HS6ST2: variants seen among roughly 807,000 people sequenced by gnomAD.
HS6ST2 encodes heparan sulfate 6-O-sulfotransferase 2.
Under a neutral mutation model 33.0 loss-of-function variants are expected in HS6ST2, and 17 were observed. That is an observed-to-expected ratio of 0.52 (90% CI 0.35 to 0.77). HS6ST2 has a LOEUF of 0.77. HS6ST2 is among the 30% of genes least tolerant of loss of function. The pLI is 0.01. For missense variants in HS6ST2, 519 were observed against 551.7 expected (o/e 0.94, Z 0.59); for synonymous variants, 248 against 237.1 (o/e 1.05, Z -0.42).
chrX:132,764,764 G>A (rs1458245721), intron 2 of HS6ST2, among the ~76,000 whole-genome samples: 1 of 111,957 alleles, frequency 8.9e-6, no homozygotes, highest in East Asian at 2.8e-4. Context: ...AGAAACAAAG[G>A]TGTGATTTCA....
chrX:132,787,172 TATATATATATATATAC>T (rs1314985722), intron 2 of HS6ST2, among the ~76,000 whole-genome samples: 17 of 81,422 alleles, frequency 2.1e-4, no homozygotes, highest in East Asian at 3.7e-4. Flanking sequence ...TATATGTATA[TATATATATATATATAC>T]ATATATATAT....
intron 2 of HS6ST2, among the ~76,000 whole-genome samples, chrX:132,897,727 C>T (rs2066388820): frequency 9.0e-6 from 1 of 111,532 alleles, no homozygotes; most frequent in Non-Finnish European, 1.9e-5. Flanking sequence ...CTGCCCTATG[C>T]TGATGTTCAC....
chrX:132,769,940 C>T (rs1352158135), intron 2 of HS6ST2, among the ~76,000 whole-genome samples: 3 of 112,027 alleles, frequency 2.7e-5, no homozygotes, highest in Non-Finnish European at 5.6e-5. Context: ...TGGTACAACT[C>T]GCTTGTGATA....
chrX:132,916,126 G>C (rs1195441273), intron 2 of HS6ST2, among the ~76,000 whole-genome samples: 1 of 111,747 alleles, frequency 8.9e-6, no homozygotes, highest in Non-Finnish European at 1.9e-5. Flanking sequence ...CAATATGGCT[G>C]TAGACAAAAG....
intron 2 of HS6ST2, among the ~76,000 whole-genome samples, chrX:132,790,250 C>T (rs1176931653): frequency 8.9e-6 from 1 of 112,018 alleles, no homozygotes; most frequent in Admixed American, 9.5e-5. Flanking sequence ...CCATGCACAT[C>T]GAGGCAAGAC....
chrX:132,843,169 G>A (rs2065722487), intron 2 of HS6ST2, among the ~76,000 whole-genome samples: 1 of 111,984 alleles, frequency 8.9e-6, no homozygotes, highest in Non-Finnish European at 1.9e-5. Flanking sequence ...TCCGTTAAAA[G>A]TTCTCAATGC....
rs2063491510 is a variant in HS6ST2 at position 132,628,139 on chromosome X, G to A, written c.*84C>T. The A allele has an allele frequency of 1.4e-6, 1 of 696,630 alleles. No homozygotes were observed. Among genetic ancestry groups the A allele is most frequent in the African/African-American group, 2.2e-5 (1 of 45,958 alleles). 57.4% of individuals were successfully genotyped at this position (696,630 alleles called of 1,213,427 possible). ...ACTTCCCCAATGAAGGAAGCAGGAT[G>A]TGTTTGGACACTTTCATCTTTTAAG... On this transcript the variant is annotated 3_prime_UTR_variant, in exon 5 of 5. Coordinates refer to ENST00000370833, the MANE Select transcript of HS6ST2 (RefSeq NM_001394073.1).
chrX:132,782,741 C>T (rs1418509727), intron 2 of HS6ST2, among the ~76,000 whole-genome samples: 1 of 111,164 alleles, frequency 9.0e-6, no homozygotes, highest in Non-Finnish European at 1.9e-5. Context: ...AGAGCTGGTA[C>T]ACCTATGAAA....
At chrX:132,660,004 G>A (rs1410329452) in intron 4 of HS6ST2, among the ~76,000 whole-genome samples, 3 of 111,602 alleles carry the variant, frequency 2.7e-5, no homozygotes, top group East Asian at 2.8e-4. Flanking sequence ...CACCTTTAGT[G>A]ATGTTTCCCT....
chrX:132,706,261 G>A (rs1458451297), intron 3 of HS6ST2, among the ~76,000 whole-genome samples: 1 of 111,901 alleles, frequency 8.9e-6, no homozygotes, highest in Non-Finnish European at 1.9e-5. Flanking sequence ...ATATGTAGTA[G>A]AATGTAAATG....
At chrX:132,798,499 T>C (rs1175963042) in intron 2 of HS6ST2, among the ~76,000 whole-genome samples, 1 of 111,688 alleles carries the variant, frequency 9.0e-6, no homozygotes, top group African/African-American at 3.3e-5. Flanking sequence ...CAGTCACTTG[T>C]GTATTACTCA....
chrX:132,787,241 A>G (rs1471378454), intron 2 of HS6ST2, among the ~76,000 whole-genome samples: 14 of 87,821 alleles, frequency 1.6e-4, no homozygotes, highest in Non-Finnish European at 2.8e-4. Context: ...ATATATATAC[A>G]TATATGTATA....
intron 4 of HS6ST2, among the ~76,000 whole-genome samples, chrX:132,635,222 C>G (rs2063544484): frequency 8.9e-6 from 1 of 111,780 alleles, no homozygotes; most frequent in African/African-American, 3.3e-5. Context: ...CTCTAATCTC[C>G]CCTCACTACT....
At chrX:132,933,635 A>G (rs1345537744) in intron 2 of HS6ST2, among the ~76,000 whole-genome samples, 1 of 111,833 alleles carries the variant, frequency 8.9e-6, no homozygotes, top group African/African-American at 3.2e-5. Flanking sequence ...AACTGCAAGT[A>G]GGATAACCAA....
At chrX:132,914,081 T>C (rs1173507049) in intron 2 of HS6ST2, among the ~76,000 whole-genome samples, 1 of 112,198 alleles carries the variant, frequency 8.9e-6, no homozygotes, top group Non-Finnish European at 1.9e-5. Context: ...TTATTTCCAT[T>C]GAATTACACA....
intron 4 of HS6ST2, among the ~76,000 whole-genome samples, chrX:132,665,734 A>C (rs1256331957): frequency 1.0e-5 from 1 of 98,216 alleles, no homozygotes; most frequent in East Asian, 3.2e-4. Flanking sequence ...TCTCAGTGAC[A>C]CAGTTCTGCA....
chrX:132,876,543 G>C (rs1342135976), intron 2 of HS6ST2, among the ~76,000 whole-genome samples: 1 of 111,786 alleles, frequency 8.9e-6, no homozygotes, highest in Non-Finnish European at 1.9e-5. Flanking sequence ...TCCCAGGAAA[G>C]ATAAATCAGC....
At chrX:132,792,167 T>C (rs2065124226) in intron 2 of HS6ST2, among the ~76,000 whole-genome samples, 1 of 112,362 alleles carries the variant, frequency 8.9e-6, no homozygotes, top group East Asian at 2.8e-4. Context: ...ATGGGAATAA[T>C]TGGGTCCTGA....
intron 2 of HS6ST2, among the ~76,000 whole-genome samples, chrX:132,781,576 T>C (rs1046181012): frequency 8.1e-5 from 9 of 111,710 alleles, no homozygotes; most frequent in African/African-American, 2.9e-4. Context: ...TATACTGCTA[T>C]AAAGAACTGC....
Sources: gnomAD v4.1 joint callset for allele counts (sites outside exome capture counted in the v4.1 genomes callset) on GRCh38, gnomAD v4.1.1 for gene constraint, MANE v1.5 for transcripts, NCBI Gene and HGNC (gene_info 2026-07-23, HGNC 2026-07-21) for gene names.